Variants in PRKG1 observed in about 807,000 individuals in gnomAD.
PRKG1 encodes protein kinase cGMP-dependent 1.
In PRKG1, 35 loss-of-function variants were observed where a neutral mutation model predicts 88.1. The observed-to-expected ratio is 0.40, with a 90% CI of 0.30 to 0.53. The LOEUF is 0.53. Ranked by LOEUF, PRKG1 falls within the 20% of genes least tolerant of loss-of-function variation. The probability of loss-of-function intolerance (pLI) is 0.59; values close to 1 mark genes in which losing one functional copy is unlikely to be tolerated. For missense variants in PRKG1, 540 were observed against 839.8 expected, an observed-to-expected ratio of 0.64 and a Z score of 4.41; for synonymous variants, 303 against 292.5, an observed-to-expected ratio of 1.04 and a Z score of -0.37.
At chr10:51,826,113 T>TA (rs1839875956) in intron 4 of PRKG1, among the ~76,000 whole-genome samples, 1 of 152,176 alleles carries the variant, frequency 6.6e-6, no homozygotes, top group South Asian at 2.1e-4. Flanking sequence ...CAGATGGCTT[T>TA]ACTAGATTAT....
At chr10:51,410,824 T>C (rs1838063860) in intron 2 of PRKG1, among the ~76,000 whole-genome samples, 1 of 151,520 alleles carries the variant, frequency 6.6e-6, no homozygotes, top group Non-Finnish European at 1.5e-5. Context: ...ATTTAAAGTG[T>C]ATAAATATAA....
intron 4 of PRKG1, among the ~76,000 whole-genome samples, chr10:51,904,443 A>C (rs144484813): frequency 1.7e-3 from 254 of 152,256 alleles, no homozygotes; most frequent in African/African-American, 5.9e-3. Flanking sequence ...GTAGAATTTC[A>C]AACTATAAAC....
intron 3 of PRKG1, among the ~76,000 whole-genome samples, chr10:51,757,142 C>T (rs1020639363): frequency 5.3e-5 from 8 of 151,602 alleles, no homozygotes; most frequent in Non-Finnish European, 8.8e-5. Flanking sequence ...TTACTCTGTC[C>T]GAAGGCTGGA....
At chr10:52,027,020 T>A (rs192799562) in intron 5 of PRKG1, among the ~76,000 whole-genome samples, 1 of 140,498 alleles carries the variant, frequency 7.1e-6, no homozygotes, top group East Asian at 1.9e-4. Flanking sequence ...ATGAATTATA[T>A]CTCAATTTAA....
At chr10:52,014,963 C>T (rs967271612) in intron 5 of PRKG1, among the ~76,000 whole-genome samples, 3 of 152,232 alleles carry the variant, frequency 2.0e-5, no homozygotes, top group African/African-American at 7.2e-5. Flanking sequence ...GTACAGCCCC[C>T]ACAGCTGATT....
intron 7 of PRKG1, 103 bp from the exon 8 acceptor site, chr10:52,133,737 G>A: frequency 2.1e-6 from 2 of 944,252 alleles, no homozygotes; most frequent in African/African-American, 1.7e-5. Context: ...GGATAAATCA[G>A]AAGAGTTTAT....
chr10:51,099,604 A>G (rs1844628090), intron 1 of PRKG1, among the ~76,000 whole-genome samples: 1 of 152,224 alleles, frequency 6.6e-6, no homozygotes, highest in Non-Finnish European at 1.5e-5. Context: ...TAGTAGAGAT[A>G]GATGACCTAT....
chr10:51,347,537 A>T (rs1168808029), intron 2 of PRKG1, among the ~76,000 whole-genome samples: 1 of 152,146 alleles, frequency 6.6e-6, no homozygotes, highest in Non-Finnish European at 1.5e-5. Context: ...AAAACTGGTA[A>T]TGCCATTTTT....
At chr10:52,054,337 T>C in intron 5 of PRKG1, 147 bp from the exon 6 acceptor site, 1 of 614,616 alleles carries the variant, frequency 1.6e-6, no homozygotes, top group South Asian at 2.0e-5. Flanking sequence ...CATTGACTAA[T>C]ATTCATTATT....
intron 2 of PRKG1, among the ~76,000 whole-genome samples, chr10:51,318,723 G>A (rs1042843147): frequency 6.6e-6 from 1 of 152,132 alleles, no homozygotes; most frequent in Non-Finnish European, 1.5e-5. Context: ...CTTTAACAGA[G>A]GAGGAAAGCT....
intron 7 of PRKG1, among the ~76,000 whole-genome samples, chr10:52,121,376 A>T (rs1847817234): frequency 6.6e-6 from 1 of 152,216 alleles, no homozygotes; most frequent in African/African-American, 2.4e-5. Context: ...CCACACGGTT[A>T]GTATTCTCTC....
At chr10:51,916,343 G>A (rs1842339034) in intron 5 of PRKG1, among the ~76,000 whole-genome samples, 2 of 152,150 alleles carry the variant, frequency 1.3e-5, no homozygotes, top group South Asian at 4.1e-4. Context: ...ACTCCCACCA[G>A]CACCATGACA....
intron 2 of PRKG1, among the ~76,000 whole-genome samples, chr10:51,190,764 G>A (rs188782894): frequency 3.9e-4 from 59 of 151,934 alleles, no homozygotes; most frequent in African/African-American, 1.2e-3. Flanking sequence ...GCCACTGATC[G>A]ACAGTGAAGT....
At chr10:51,901,699 G>A (rs1167007713) in intron 4 of PRKG1, among the ~76,000 whole-genome samples, 3 of 152,136 alleles carry the variant, frequency 2.0e-5, no homozygotes, top group Non-Finnish European at 4.4e-5. Flanking sequence ...TTTCTTTAAA[G>A]TCTGAATGAT....
chr10:51,311,993 T>TC (rs2132490972), intron 2 of PRKG1, among the ~76,000 whole-genome samples: 1 of 152,272 alleles, frequency 6.6e-6, no homozygotes, highest in African/African-American at 2.4e-5. Flanking sequence ...TGCCTCAGCC[T>TC]CCCTGGTAGC....
intron 2 of PRKG1, among the ~76,000 whole-genome samples, chr10:51,307,760 C>T (rs1841075669): frequency 6.6e-6 from 1 of 151,962 alleles, no homozygotes; most frequent in Non-Finnish European, 1.5e-5. Flanking sequence ...TTATATTTGT[C>T]CATCTTTTAT....
intron 2 of PRKG1, among the ~76,000 whole-genome samples, chr10:51,372,544 G>A (rs1025327711): frequency 6.6e-6 from 1 of 152,082 alleles, no homozygotes; most frequent in Non-Finnish European, 1.5e-5. Flanking sequence ...ACTATGATGA[G>A]TAAAGTGGAA....
chr10:51,646,887 T>C (rs975343633), intron 3 of PRKG1, among the ~76,000 whole-genome samples: 5 of 152,096 alleles, frequency 3.3e-5, no homozygotes, highest in African/African-American at 1.2e-4. Flanking sequence ...CTAAATTATC[T>C]TGTCTACTTG....
At chr10:51,381,994 A>C (rs946542303) in intron 2 of PRKG1, among the ~76,000 whole-genome samples, 1 of 152,194 alleles carries the variant, frequency 6.6e-6, no homozygotes, top group Non-Finnish European at 1.5e-5. Flanking sequence ...CAGACTACCT[A>C]AAATATAATC....
Sources: allele counts gnomAD v4.1 joint callset (sites outside exome capture counted in the v4.1 genomes callset), GRCh38; gene constraint gnomAD v4.1.1; transcripts MANE v1.5; gene names NCBI Gene and HGNC (gene_info 2026-07-23, HGNC 2026-07-21).